The following FOXO3 variants were observed in gnomAD, a reference collection of about 807,000 sequenced individuals.
FOXO3 encodes the protein forkhead box protein O3.
Under a neutral mutation model 41.9 loss-of-function variants are expected in FOXO3, and 4 were observed. The observed-to-expected ratio is 0.10, with a 90% CI of 0.05 to 0.22. The LOEUF (loss-of-function observed/expected upper bound fraction) is 0.22, where lower values mean the gene tolerates loss of function less well. Among genes scored for constraint, FOXO3 ranks in the 10% least tolerant of loss-of-function variants. The pLI is 1.00. For synonymous variants in FOXO3, 318 were observed against 389.3 expected, an observed-to-expected ratio of 0.82 and a Z score of 2.16; for missense variants, 534 against 906.8, an observed-to-expected ratio of 0.59 and a Z score of 5.28.
intron 1 of FOXO3, among the ~76,000 whole-genome samples, chr6:108,615,908 C>T (rs1389513590): frequency 6.6e-6 from 1 of 151,952 alleles, no homozygotes; most frequent in East Asian, 1.9e-4. Flanking sequence ...ACTAGAAGTA[C>T]CACTGGGTTT....
chr6:108,630,998 T>A (rs1001129095), intron 1 of FOXO3, among the ~76,000 whole-genome samples: 28 of 152,216 alleles, frequency 1.8e-4, no homozygotes, highest in Admixed American at 1.8e-3. Flanking sequence ...GTTTAACATG[T>A]ATAAATGTCT....
chr6:108,568,390 G>T (rs1002256701), intron 1 of FOXO3, among the ~76,000 whole-genome samples: 2 of 151,914 alleles, frequency 1.3e-5, no homozygotes, highest in Non-Finnish European at 2.9e-5. Context: ...CACTGGAGTC[G>T]CTGTGTTTCT....
intron 1 of FOXO3, among the ~76,000 whole-genome samples, chr6:108,661,100 G>A (rs1778834833): frequency 6.6e-6 from 1 of 151,926 alleles, no homozygotes; most frequent in South Asian, 2.1e-4. Flanking sequence ...AAATTAGCCA[G>A]GTGTGGTGGC....
At chr6:108,676,782 A>G (rs925985982) in intron 2 of FOXO3, among the ~76,000 whole-genome samples, 1 of 152,184 alleles carries the variant, frequency 6.6e-6, no homozygotes, top group Non-Finnish European at 1.5e-5. Context: ...TGAATCAGAT[A>G]AGCATGTACA....
intron 2 of FOXO3, among the ~76,000 whole-genome samples, chr6:108,665,784 G>A (rs1422154185): frequency 6.7e-6 from 1 of 149,334 alleles, no homozygotes; most frequent in Admixed American, 6.7e-5. Context: ...ACTCCATCCT[G>A]GGTGGTAAAG....
chr6:108,664,054 C>T lies in FOXO3; in HGVS notation c.1221C>T (p.Leu407=). Residue 407 remains leucine (L), a synonymous_variant, in exon 2 of 3, where the codon CTC becomes CTT. Coordinates refer to ENST00000406360, the MANE Select transcript of FOXO3 (RefSeq NM_001455.4). ...CCCAGCCATCGCCCACTGGGGGACT[C>T]ATGCAGCGGAGCTCTAGCTTCCCGT... ...PPSQPSPTGG[L]MQRSSSFPYT... 1.9e-6 allele frequency: 3 copies of T among 1,614,220 alleles called. No homozygotes were observed. The highest frequency in any genetic ancestry group is 2.5e-6 in the Non-Finnish European group (3 of 1,180,042).
intron 1 of FOXO3, among the ~76,000 whole-genome samples, chr6:108,593,966 G>A (rs1291824161): frequency 1.3e-5 from 2 of 151,766 alleles, no homozygotes; most frequent in Admixed American, 6.6e-5. Context: ...TGATCTACCC[G>A]CCTCGGCCTC....
intron 2 of FOXO3, among the ~76,000 whole-genome samples, chr6:108,671,794 G>A (rs1057499342): frequency 2.0e-5 from 3 of 152,178 alleles, no homozygotes; most frequent in Non-Finnish European, 2.9e-5. Flanking sequence ...GTTGGTGTGA[G>A]AACTTTTATT....
At chr6:108,567,610 T>G (rs997339230) in intron 1 of FOXO3, among the ~76,000 whole-genome samples, 6 of 152,080 alleles carry the variant, frequency 3.9e-5, no homozygotes, top group Non-Finnish European at 5.9e-5. Context: ...CTAGTAGGGG[T>G]GGAGTAACGG....
At chr6:108,649,043 G>A (rs1778473606) in intron 1 of FOXO3, among the ~76,000 whole-genome samples, 1 of 145,884 alleles carries the variant, frequency 6.9e-6, no homozygotes, top group Non-Finnish European at 1.5e-5. Context: ...AGGACTACAA[G>A]TGTCTCAGAT....
At chr6:108,594,941 C>T (rs1396111304) in intron 1 of FOXO3, among the ~76,000 whole-genome samples, 2 of 152,194 alleles carry the variant, frequency 1.3e-5, no homozygotes, top group South Asian at 2.1e-4. Context: ...CTTTTCAGCA[C>T]GTTGGTACCT....
rs561911856 is a variant in FOXO3 at position 108,609,042 on chromosome 6, G to T, written c.621+47213G>T. On this transcript the variant is annotated intron_variant, in intron 1 of 2. Coordinates refer to ENST00000406360, the MANE Select transcript of FOXO3 (RefSeq NM_001455.4). ...ACCTCAAGCTATTAAGAATAGCTTT[G>T]GTTGGTTTCGCCTTAATCCAAATGA... 2.5e-4 allele frequency among the ~76,000 whole-genome samples: 38 copies of T among 152,248 alleles called. 1 individual carries two copies. The highest frequency in any genetic ancestry group is 7.4e-5 in the Non-Finnish European group (5 of 68,012).
chr6:108,655,350 G>A (rs545841737), intron 1 of FOXO3, among the ~76,000 whole-genome samples: 1 of 152,256 alleles, frequency 6.6e-6, no homozygotes, highest in Admixed American at 6.5e-5. Context: ...TCTCATCCCA[G>A]TTCTCACCTT....
chr6:108,663,109 A>G (rs535352696), intron 1 of FOXO3, among the ~76,000 whole-genome samples: 16 of 152,292 alleles, frequency 1.1e-4, no homozygotes, highest in African/African-American at 3.6e-4. Context: ...ACGGTGGCTC[A>G]TGCCTATAAT....
intron 2 of FOXO3, among the ~76,000 whole-genome samples, chr6:108,678,890 T>TTTTTTTTCC (rs368405598): frequency 8.7e-6 from 1 of 115,334 alleles, no homozygotes; most frequent in Non-Finnish European, 1.8e-5. Flanking sequence ...TTTTTTTTTT[T>TTTTTTTTCC]TGAGACGGAG....
In FOXO3 at chr6:108,565,675, G is replaced by A. The variant is rs1028319363; in HGVS notation, c.621+3846G>A. Reference sequence around the variant, plus strand: ...GCTGCTGCAGAAGATAATTCTTCAAGAGTCCGAGTCTTCTTTCATGTAAGA... The same window carrying A: ...GCTGCTGCAGAAGATAATTCTTCAAAAGTCCGAGTCTTCTTTCATGTAAGA... On this transcript the variant is annotated intron_variant, in intron 1 of 2. Transcript: ENST00000406360. Among the ~76,000 whole-genome samples, 3 of 152,322 alleles carry A rather than the reference G, an allele frequency of 2.0e-5. No homozygotes were observed. The East Asian group carries it at 5.8e-4, about 29-fold the overall frequency.
At chr6:108,642,687 A>G (rs1248368681) in intron 1 of FOXO3, among the ~76,000 whole-genome samples, 1 of 152,214 alleles carries the variant, frequency 6.6e-6, no homozygotes, top group African/African-American at 2.4e-5. Flanking sequence ...CTCTCATCCA[A>G]TTCAAGGCTA....
chr6:108,582,998 G>A (rs1266091244), intron 1 of FOXO3, among the ~76,000 whole-genome samples: 2 of 152,146 alleles, frequency 1.3e-5, no homozygotes, highest in Non-Finnish European at 2.9e-5. Flanking sequence ...CAGTGCCTTG[G>A]ATGTCATCTG....
chr6:108,634,138 C>G (rs1006662776), intron 1 of FOXO3, among the ~76,000 whole-genome samples: 1 of 152,112 alleles, frequency 6.6e-6, no homozygotes, highest in Non-Finnish European at 1.5e-5. Flanking sequence ...CCACAGTTTC[C>G]TCATCTGTAA....
Sources: gnomAD v4.1 joint callset for allele counts (sites outside exome capture counted in the v4.1 genomes callset) on GRCh38, gnomAD v4.1.1 for gene constraint, MANE v1.5 for transcripts, NCBI Gene and HGNC (gene_info 2026-07-23, HGNC 2026-07-21) for gene names.